Variants in CUL4A observed in about 807,000 individuals in gnomAD.
CUL4A encodes the protein cullin-4A.
Under a neutral mutation model 95.5 loss-of-function variants are expected in CUL4A, and 16 were observed. The observed-to-expected ratio is 0.17, with a 90% CI of 0.11 to 0.25. The LOEUF (loss-of-function observed/expected upper bound fraction) is 0.25, where lower values mean the gene tolerates loss of function less well. Ranked by LOEUF, CUL4A falls within the 10% of genes least tolerant of loss-of-function variation. CUL4A has a pLI of 1.00. For missense variants in CUL4A, 610 were observed against 937.0 expected, an observed-to-expected ratio of 0.65 and a Z score of 4.56; for synonymous variants, 380 against 353.1, an observed-to-expected ratio of 1.08 and a Z score of -0.85.
At chr13:113,253,817 T>TG (rs1355911343) in intron 16 of CUL4A, among the ~76,000 whole-genome samples, 1 of 152,184 alleles carries the variant, frequency 6.6e-6, no homozygotes, top group East Asian at 1.9e-4. Flanking sequence ...CACTGATCAA[T>TG]GAAAGGCGCT....
chr13:113,263,395 T>C (rs2042340592), intron 19 of CUL4A, 92 bp from the exon 20 acceptor site: 3 of 484,794 alleles, frequency 6.2e-6, no homozygotes, highest in African/African-American at 6.0e-5. Context: ...TCTATAAGTA[T>C]AGTTACATAC....
At chr13:113,250,106 T>G (rs1472822483) in intron 15 of CUL4A, among the ~76,000 whole-genome samples, 2 of 152,236 alleles carry the variant, frequency 1.3e-5, no homozygotes, top group Non-Finnish European at 2.9e-5. Flanking sequence ...ATCACATTTA[T>G]TTTCTCTTTT....
At chr13:113,220,613 A>C (rs73581021) in intron 3 of CUL4A, among the ~76,000 whole-genome samples, 1,551 of 152,320 alleles carry the variant, frequency 0.01, 32 homozygotes, top group African/African-American at 0.036. Context: ...TTAGGCGTTT[A>C]TGAGAGTCAG....
At chr13:113,244,850 A>C (rs2041817136) in intron 12 of CUL4A, 99 bp from the exon 13 acceptor site, 3 of 813,438 alleles carry the variant, frequency 3.7e-6, no homozygotes, top group African/African-American at 3.5e-5. Flanking sequence ...AAAAAAAAAA[A>C]AAAACACTTT....
Position 113,266,611 on chromosome 13 carries a change from C to G in CUL4A, c.*3029C>G, listed in dbSNP as rs2042399812. 1 of 152,142 alleles carries G rather than the reference C, an allele frequency of 6.6e-6. No individual in the cohort carries two copies. 9.4% of individuals were successfully genotyped at this position (152,142 alleles called of 1,614,324 possible). On this transcript the variant is annotated 3_prime_UTR_variant, in exon 20 of 20. Coordinates refer to ENST00000375440, the MANE Select transcript of CUL4A (RefSeq NM_001008895.4). ...GTAATTGAAACAGCATGATGCTGGC[C>G]CTTTAAAAAGATTCCTGGAACAAGA...
chr13:113,255,074 C>T lies in CUL4A; in HGVS notation c.1980C>T (p.Phe660=). ...DGDKFIFNGE[F]KHKLFRIKIN... ...ACAAGTTCATTTTTAATGGAGAGTT[C>T]AAGCACAAGTTGTTTAGAATAAAGA... is the stretch of plus-strand genomic sequence containing the variant. Residue 660 remains phenylalanine, a synonymous_variant, in exon 18 of 20, where the codon TTC becomes TTT. Coordinates refer to ENST00000375440, the MANE Select transcript of CUL4A (RefSeq NM_001008895.4). 6.2e-7 allele frequency: 1 copy of T among 1,614,002 alleles called. No homozygotes were observed. Among genetic ancestry groups the T allele is most frequent in the Non-Finnish European group, 8.5e-7 (1 of 1,179,924 alleles).
chr13:113,226,962 T>G (rs550452474), intron 3 of CUL4A, among the ~76,000 whole-genome samples: 8 of 152,272 alleles, frequency 5.3e-5, no homozygotes, highest in African/African-American at 1.9e-4. Context: ...AAGTGGGGCC[T>G]TTTGTCCCGC....
chr13:113,246,082 T>G lies in CUL4A; in HGVS notation c.1638+19T>G. 6.4e-7 allele frequency: 1 copy of G among 1,568,992 alleles called. No individual in the cohort carries two copies. The highest frequency in any genetic ancestry group is 8.8e-7 in the Non-Finnish European group (1 of 1,140,210). On this transcript the variant is annotated intron_variant, in intron 15 of 19. Transcript: ENST00000375440. ...CCCAGAAGTAAGTGTGCAGAAAGCA[T>G]GCTGTCCGCTCCCGCTGTCATGCCC...
intron 15 of CUL4A, among the ~76,000 whole-genome samples, chr13:113,246,381 G>A (rs1382433583): frequency 6.6e-6 from 1 of 152,182 alleles, no homozygotes; most frequent in African/African-American, 2.4e-5. Context: ...TGTAGACAGT[G>A]CTGAAGTCTT....
intron 6 of CUL4A, 105 bp downstream of exon 6, chr13:113,233,444 TG>T (rs1385341880): frequency 1.5e-5 from 17 of 1,129,444 alleles, no homozygotes; most frequent in Non-Finnish European, 2.0e-5. Context: ...TAAAGGCATT[TG>T]TTGAAGATAG....
In CUL4A at chr13:113,213,853, C is replaced by T. The variant is rs145097953; in HGVS notation, c.264+3765C>T. 1.5e-4 allele frequency among the ~76,000 whole-genome samples: 23 copies of T among 152,322 alleles called. No individual in the cohort carries two copies. In the East Asian group the frequency reaches 4.4e-3, roughly 29 times the overall value. ...AGGGGATATGTGGAATCAGTTGATT[C>T]ACTTACTTGTGATCATCTCTCCACG... On this transcript the variant is annotated intron_variant, in intron 2 of 19. Transcript: ENST00000375440.
At chr13:113,214,601 C>T (rs762067582) in intron 2 of CUL4A, among the ~76,000 whole-genome samples, 15 of 152,150 alleles carry the variant, frequency 9.9e-5, no homozygotes, top group Non-Finnish European at 2.1e-4. Context: ...AGTCCTCCTG[C>T]CTTGGCCTCC....
upstream of CUL4A, chr13:113,208,635 G>A (rs141920233): frequency 1.2e-6 from 2 of 1,607,408 alleles, no homozygotes; most frequent in Non-Finnish European, 1.7e-6. Flanking sequence ...TGTGCGCCAT[G>A]GGAGCGCCGC....
chr13:113,241,351 A>G (rs1172815220), intron 10 of CUL4A, among the ~76,000 whole-genome samples: 1 of 152,146 alleles, frequency 6.6e-6, no homozygotes, highest in Non-Finnish European at 1.5e-5. Flanking sequence ...ATTCAACTCC[A>G]CATGCCGTTA....
chr13:113,222,857 G>A (rs779675402), intron 3 of CUL4A, among the ~76,000 whole-genome samples: 16 of 152,116 alleles, frequency 1.1e-4, no homozygotes, highest in Non-Finnish European at 2.1e-4. Flanking sequence ...CTGAGATTGC[G>A]CCACTGCACT....
At position 113,220,762 on chromosome 13, in the gene CUL4A, C is replaced by G. The variant is rs1011049927; in HGVS notation, c.368+1714C>G. Among the ~76,000 whole-genome samples, 7 of 152,186 alleles carry G rather than the reference C, an allele frequency of 4.6e-5. 1 individual carries two copies. Among genetic ancestry groups the G allele is most frequent in the Non-Finnish European group, 4.4e-5 (3 of 68,030 alleles). On this transcript the variant is annotated intron_variant, in intron 3 of 19. Transcript: ENST00000375440. The stretch of plus-strand genomic sequence containing the variant: ...ATGTGCCATCAGTTCACTCACTGCA[C>G]AAGCACTTGCTTTCTACCTACTGCA...
rs755404038 is a variant in CUL4A at position 113,244,477 on chromosome 13, G to A, written c.1296G>A (p.Thr432=). 1.2e-6 allele frequency: 2 copies of A among 1,613,414 alleles called. No homozygotes were observed. The highest frequency in any genetic ancestry group is 2.2e-5 in the East Asian group (1 of 44,898). Reference sequence around the variant, plus strand: ...CCACAGACGAGGAGCTGGAGCGGACGTTGGACAAGATCATGATCCTGTTCA... The same window carrying A: ...CCACAGACGAGGAGCTGGAGCGGACATTGGACAAGATCATGATCCTGTTCA... ...KEATDEELER[T]LDKIMILFRF... Residue 432 remains threonine, a synonymous_variant, in exon 12 of 20, where the codon ACG becomes ACA. Coordinates refer to ENST00000375440, the MANE Select transcript of CUL4A (RefSeq NM_001008895.4).
chr13:113,220,570 C>CT (rs1391561406), intron 3 of CUL4A, among the ~76,000 whole-genome samples: 1 of 152,222 alleles, frequency 6.6e-6, no homozygotes, highest in Non-Finnish European at 1.5e-5. Flanking sequence ...TGGGGGAAGT[C>CT]TTTAGCAGAT....
intron 15 of CUL4A, among the ~76,000 whole-genome samples, chr13:113,250,664 T>C (rs879443552): frequency 3.3e-5 from 5 of 152,124 alleles, no homozygotes; most frequent in Non-Finnish European, 4.4e-5. Context: ...AGGAAAGATA[T>C]GCACTAAGAG....
Sources: allele counts gnomAD v4.1 joint callset (sites outside exome capture counted in the v4.1 genomes callset), GRCh38; gene constraint gnomAD v4.1.1; transcripts MANE v1.5; gene names NCBI Gene and HGNC (gene_info 2026-07-23, HGNC 2026-07-21).